The following METTL25 variants were observed in gnomAD, a reference collection of about 807,000 sequenced individuals.
METTL25 encodes probable methyltransferase-like protein 25.
A neutral mutation model predicts 71.6 loss-of-function variants in METTL25; 64 were observed. The observed-to-expected ratio is 0.89, with a 90% CI of 0.73 to 1.10. The LOEUF (loss-of-function observed/expected upper bound fraction) is 1.10, where lower values mean the gene tolerates loss of function less well. Ranked by LOEUF, METTL25 falls within the 50% of genes least tolerant of loss-of-function variation. The probability of loss-of-function intolerance (pLI) is 0.00; values close to 1 mark genes in which losing one functional copy is unlikely to be tolerated. For synonymous variants in METTL25, 287 were observed against 250.3 expected (o/e 1.15, Z -1.38); for missense variants, 807 against 707.0 (o/e 1.14, Z -1.60).
In METTL25 at chr12:82,430,915, A is replaced by T. The variant is rs770933750; in HGVS notation, c.1302A>T (p.Gly434=). 5 of 1,597,008 alleles carry T rather than the reference A, an allele frequency of 3.1e-6. No homozygotes were observed. The South Asian group carries it at 3.4e-5, about 11-fold the overall frequency. ...CAGAACGTACTCAGGAAAAGTGGGG[A>T]TTTCCAATGTGCCACTATTTAAAGG... ...QHKERTQEKW[G]FPMCHYLKEE... Residue 434 remains glycine, a synonymous_variant, in exon 6 of 12, where the codon GGA becomes GGT. Coordinates refer to ENST00000248306, the MANE Select transcript of METTL25 (RefSeq NM_032230.3).
chr12:82,419,787 A>G (rs560120855), intron 5 of METTL25, among the ~76,000 whole-genome samples: 4 of 151,824 alleles, frequency 2.6e-5, no homozygotes, highest in Non-Finnish European at 5.9e-5. Context: ...TGCAGTCGCT[A>G]TGGAAAATGA....
At chr12:82,471,514 C>G (rs934256175) in intron 9 of METTL25, among the ~76,000 whole-genome samples, 3 of 152,182 alleles carry the variant, frequency 2.0e-5, no homozygotes, top group Non-Finnish European at 2.9e-5. Context: ...TTCTGTGAAA[C>G]AGAATATATA....
chr12:82,382,211 C>T (rs566782209), intron 1 of METTL25, among the ~76,000 whole-genome samples: 1 of 152,276 alleles, frequency 6.6e-6, no homozygotes, highest in Non-Finnish European at 1.5e-5. Flanking sequence ...CAAAATACTT[C>T]TGTGTCATTG....
chr12:82,478,761 T>G (rs866401863), intron 11 of METTL25, among the ~76,000 whole-genome samples, 171 bp from the exon 12 acceptor site: 30 of 151,986 alleles, frequency 2.0e-4, no homozygotes, highest in Middle Eastern at 3.2e-3. Flanking sequence ...CAGCATAAAC[T>G]TTTTTGAAGG....
At chr12:82,379,575 C>T (rs1448494542) in intron 1 of METTL25, among the ~76,000 whole-genome samples, 2 of 152,134 alleles carry the variant, frequency 1.3e-5, no homozygotes, top group African/African-American at 4.8e-5. Context: ...TTAAAACATT[C>T]TCGTGAAGCA....
chr12:82,397,964 C>T (rs80085643), intron 3 of METTL25, among the ~76,000 whole-genome samples: 8,477 of 151,824 alleles, frequency 0.056, 319 homozygotes, highest in South Asian at 0.092. Flanking sequence ...GGCATTTTTG[C>T]CTTATTTTTT....
Position 82,400,062 on chromosome 12 carries a change from G to A in METTL25, c.1131+668G>A, listed in dbSNP as rs1459718528. On this transcript the variant is annotated intron_variant, in intron 4 of 11. Coordinates refer to ENST00000248306, the MANE Select transcript of METTL25 (RefSeq NM_032230.3). Reference sequence around the variant, plus strand: ...AAATAGGCTGAGTGCCGTGGCTCACGTCTGTAGTCCCAGCACTTTGGGAGG... The same window carrying A: ...AAATAGGCTGAGTGCCGTGGCTCACATCTGTAGTCCCAGCACTTTGGGAGG... Among the ~76,000 whole-genome samples, 3 of 151,798 alleles carry A rather than the reference G, an allele frequency of 2.0e-5. 1 individual carries two copies. Among genetic ancestry groups the A allele is most frequent in the South Asian group, 4.1e-4 (2 of 4,828 alleles).
intron 8 of METTL25, 114 bp from the exon 9 acceptor site, chr12:82,456,613 T>G: frequency 1.7e-6 from 1 of 588,930 alleles, no homozygotes; most frequent in Non-Finnish European, 3.0e-6. Flanking sequence ...TTGATCACAT[T>G]TGGATCTTGT....
At chr12:82,450,177 G>A (rs750630887) in intron 8 of METTL25, among the ~76,000 whole-genome samples, 18 of 152,010 alleles carry the variant, frequency 1.2e-4, no homozygotes, top group Middle Eastern at 3.4e-3. Flanking sequence ...AATTGTTGAG[G>A]TGGCTTTTTT....
At chr12:82,419,642 A>T (rs1888295913) in intron 5 of METTL25, among the ~76,000 whole-genome samples, 1 of 151,632 alleles carries the variant, frequency 6.6e-6, no homozygotes, top group Non-Finnish European at 1.5e-5. Context: ...GGGAAAGGCA[A>T]ATTAAAACCA....
intron 2 of METTL25, among the ~76,000 whole-genome samples, chr12:82,387,733 T>A (rs200174500): frequency 1.1e-4 from 12 of 108,660 alleles, no homozygotes; most frequent in East Asian, 6.2e-4. Context: ...ACACACACAC[T>A]CTTTTTCTGA....
intron 8 of METTL25, among the ~76,000 whole-genome samples, chr12:82,453,496 A>G (rs1260800838): frequency 6.6e-5 from 10 of 152,164 alleles, no homozygotes. Flanking sequence ...CTACTTTAAA[A>G]TCTTTAAAAT....
chr12:82,410,159 CAAAT>C (rs1200807249), intron 5 of METTL25, among the ~76,000 whole-genome samples: 1 of 151,714 alleles, frequency 6.6e-6, no homozygotes, highest in African/African-American at 2.4e-5. Flanking sequence ...CTTACTTAAA[CAAAT>C]ATTCTATATA....
chr12:82,358,927 G>T (rs1045201869), intron 1 of METTL25, 103 bp downstream of exon 1: 40 of 1,428,104 alleles, frequency 2.8e-5, no homozygotes, highest in Non-Finnish European at 3.6e-5. Context: ...GTGCGTGGCG[G>T]CGGAGGCGGG....
At chr12:82,378,762 C>T (rs967035470) in intron 1 of METTL25, among the ~76,000 whole-genome samples, 5 of 152,134 alleles carry the variant, frequency 3.3e-5, no homozygotes, top group African/African-American at 1.2e-4. Context: ...TGCAATAGCT[C>T]ACACTTATGA....
At chr12:82,465,945 G>A (rs35537019) in intron 9 of METTL25, among the ~76,000 whole-genome samples, 3,942 of 145,738 alleles carry the variant, frequency 0.027, 71 homozygotes, top group Admixed American at 0.047. Flanking sequence ...CTGTTGTGAT[G>A]TCTATATTTT....
chr12:82,400,558 G>T (rs1008150674), intron 4 of METTL25, among the ~76,000 whole-genome samples: 2 of 137,152 alleles, frequency 1.5e-5, no homozygotes, highest in East Asian at 2.2e-4. Flanking sequence ...TTCTTTTAGG[G>T]TTAAACAATC....
At position 82,479,164 on chromosome 12, in the gene METTL25, A is replaced by G. The variant is rs555292812; in HGVS notation, c.*140A>G. 1.7e-6 allele frequency: 1 copy of G among 575,052 alleles called. No homozygotes were observed. 35.6% of individuals were successfully genotyped at this position (575,052 alleles called of 1,614,324 possible). On this transcript the variant is annotated 3_prime_UTR_variant, in exon 12 of 12. Transcript: ENST00000248306. ...TTAAATAATAAAATAATGGCTAACAACAGAAGGTTATAATCCATTTTTCCA... is the reference window on the plus strand; with the variant it reads ...TTAAATAATAAAATAATGGCTAACAGCAGAAGGTTATAATCCATTTTTCCA...
chr12:82,440,465 A>C (rs1179111372), intron 8 of METTL25, among the ~76,000 whole-genome samples: 1 of 152,080 alleles, frequency 6.6e-6, no homozygotes, highest in Non-Finnish European at 1.5e-5. Context: ...TCTGGAAATG[A>C]CATGACCGTT....
Sources: allele counts gnomAD v4.1 joint callset (sites outside exome capture counted in the v4.1 genomes callset), GRCh38; gene constraint gnomAD v4.1.1; transcripts MANE v1.5; gene names NCBI Gene and HGNC (gene_info 2026-07-23, HGNC 2026-07-21).